Variants in ZNF461 observed in about 807,000 individuals in gnomAD.
ZNF461 encodes the protein gonadotropin-inducible ovarian transcription factor-1.
In ZNF461, 16 loss-of-function variants were observed where a neutral mutation model predicts 18.3. The observed-to-expected ratio is 0.88, with a 90% confidence interval of 0.59 to 1.33. The LOEUF (loss-of-function observed/expected upper bound fraction) is 1.33, where lower values mean the gene tolerates loss of function less well. Among genes scored for constraint, ZNF461 ranks in the 40% most tolerant of loss-of-function variants. The pLI is 0.00. For missense variants in ZNF461, 595 were observed against 669.9 expected, an observed-to-expected ratio of 0.89 and a Z score of 1.23; for synonymous variants, 179 against 216.9, an observed-to-expected ratio of 0.83 and a Z score of 1.54.
In ZNF461 at chr19:36,638,571, A is replaced by C. The variant is rs538055911; in HGVS notation, c.*82T>G. 78 of 1,036,182 alleles carry C rather than the reference A, an allele frequency of 7.5e-5. No individual in the cohort carries two copies. The African/African-American group carries it at 1.1e-3, about 14-fold the overall frequency. The allele number at this position is 1,036,182 out of a possible 1,614,324, so 64.2% of individuals were successfully genotyped here. A position where few individuals can be genotyped will look rare whatever the true frequency, so the allele number is the denominator to read the frequency against. ...TTTGATTTTCAAGGATTATTTAAAT[A>C]AATAAATACTAATGAAACTGGTGGC... On this transcript the variant is annotated 3_prime_UTR_variant, in exon 6 of 6. Transcript: ENST00000588268.
chr19:36,646,292 G>A (rs760942004), intron 4 of ZNF461, among the ~76,000 whole-genome samples: 5 of 151,958 alleles, frequency 3.3e-5, no homozygotes, highest in Non-Finnish European at 4.4e-5. Flanking sequence ...CACCACGCCC[G>A]GCTAATTTTT....
At chr19:36,642,317 C>T (rs2037439954) in intron 5 of ZNF461, among the ~76,000 whole-genome samples, 1 of 152,148 alleles carries the variant, frequency 6.6e-6, no homozygotes, top group African/African-American at 2.4e-5. Context: ...GTGACAGTCA[C>T]ACACTGGTCA....
chr19:36,656,112 C>T (rs896433185), intron 4 of ZNF461, among the ~76,000 whole-genome samples: 2 of 151,708 alleles, frequency 1.3e-5, no homozygotes, highest in East Asian at 3.9e-4. Context: ...ATTCTCCTGC[C>T]TCAGCCTCCC....
intron 5 of ZNF461, among the ~76,000 whole-genome samples, chr19:36,642,613 A>C (rs575174230): frequency 6.6e-6 from 1 of 152,198 alleles, no homozygotes; most frequent in East Asian, 1.9e-4. Context: ...CAGAAATCAC[A>C]AAGTATTTCT....
chr19:36,645,246 C>G (rs1412929198), intron 4 of ZNF461: 1 of 152,052 alleles, frequency 6.6e-6, no homozygotes, highest in East Asian at 1.9e-4. Flanking sequence ...CAAAAAAGAT[C>G]TGTTGTATAA....
intron 2 of ZNF461, among the ~76,000 whole-genome samples, chr19:36,664,365 A>C (rs2037867076): frequency 6.6e-6 from 1 of 152,168 alleles, no homozygotes; most frequent in African/African-American, 2.4e-5. Flanking sequence ...AGATGGGCAG[A>C]TCACTTGAGG....
At chr19:36,657,430 A>C (rs1379590417) in intron 3 of ZNF461, among the ~76,000 whole-genome samples, 1 of 147,266 alleles carries the variant, frequency 6.8e-6, no homozygotes, top group South Asian at 2.2e-4. Flanking sequence ...GCAGTGAGCC[A>C]AGATATGCCA....
chr19:36,653,917 A>G (rs987361415), intron 4 of ZNF461, among the ~76,000 whole-genome samples: 14 of 152,214 alleles, frequency 9.2e-5, no homozygotes, highest in African/African-American at 3.4e-4. Context: ...ACAAGGCTAC[A>G]TGTGATAAAA....
chr19:36,639,800 G>GT lies in ZNF461; in HGVS notation c.544dup (p.Thr182AsnfsTer6). On this transcript the variant is annotated frameshift_variant, in exon 6 of 6. Transcript: ENST00000588268. LOFTEE classifies it low-confidence loss of function (END_TRUNC). ...TTTCTCTCTATCATAAAATTCTTGA[G>GT]TGAGTAAAGTATGTTGGCTAAAAAT... The GT allele has an allele frequency of 6.2e-7, 1 of 1,613,826 alleles. No individual in the cohort carries two copies. Among genetic ancestry groups the GT allele is most frequent in the Non-Finnish European group, 8.5e-7 (1 of 1,179,806 alleles).
At chr19:36,648,286 A>G (rs940002911) in intron 4 of ZNF461, among the ~76,000 whole-genome samples, 1 of 152,124 alleles carries the variant, frequency 6.6e-6, no homozygotes, top group African/African-American at 2.4e-5. Context: ...TCCACCATGA[A>G]TAAAAGCTCC....
intron 1 of ZNF461, among the ~76,000 whole-genome samples, chr19:36,665,234 AAC>A (rs1324965463): frequency 6.6e-6 from 1 of 152,242 alleles, no homozygotes; most frequent in Non-Finnish European, 1.5e-5. Flanking sequence ...AGGCTGAAAC[AAC>A]ACAGATGGAA....
At chr19:36,659,438 G>A (rs1340130022) in intron 2 of ZNF461, among the ~76,000 whole-genome samples, 1 of 152,058 alleles carries the variant, frequency 6.6e-6, no homozygotes, top group African/African-American at 2.4e-5. Context: ...GCATAACATT[G>A]GTAGCATAAC....
At chr19:36,662,026 C>T (rs774010454) in intron 2 of ZNF461, among the ~76,000 whole-genome samples, 17 of 151,942 alleles carry the variant, frequency 1.1e-4, no homozygotes, top group Non-Finnish European at 2.2e-4. Context: ...TGTGCCACCA[C>T]GTCTGGCTAA....
At chr19:36,658,064 A>G in intron 3 of ZNF461, 1 of 489,610 alleles carries the variant, frequency 2.0e-6, no homozygotes, top group African/African-American at 2.0e-5. Flanking sequence ...CCCCTTAAAC[A>G]TCAAGGAGGA....
At chr19:36,652,431 G>A (rs1345225198) in intron 4 of ZNF461, among the ~76,000 whole-genome samples, 3 of 150,544 alleles carry the variant, frequency 2.0e-5, no homozygotes, top group African/African-American at 7.3e-5. Context: ...AACCTGGGAG[G>A]TGGACGTTGC....
chr19:36,640,631 C>T (rs375448465), intron 5 of ZNF461, among the ~76,000 whole-genome samples: 1 of 152,184 alleles, frequency 6.6e-6, no homozygotes, highest in African/African-American at 2.4e-5. Flanking sequence ...AGGTGGCCCA[C>T]GCCCTATATT....
chr19:36,660,008 C>T (rs1296547416), intron 2 of ZNF461, among the ~76,000 whole-genome samples: 2 of 152,274 alleles, frequency 1.3e-5, no homozygotes, highest in African/African-American at 2.4e-5. Flanking sequence ...TCAAAGATTT[C>T]CCACGTGTGA....
chr19:36,649,635 C>T (rs549123765), intron 4 of ZNF461, among the ~76,000 whole-genome samples: 2 of 152,098 alleles, frequency 1.3e-5, no homozygotes, highest in East Asian at 3.9e-4. Context: ...CCGGCCTGAG[C>T]CACCACGCCT....
At chr19:36,657,124 T>C (rs1284144965) in intron 3 of ZNF461, among the ~76,000 whole-genome samples, 1 of 146,664 alleles carries the variant, frequency 6.8e-6, no homozygotes, top group African/African-American at 2.5e-5. Flanking sequence ...CCAGCCTCCT[T>C]TTTTTTTTTA....
Sources: allele counts gnomAD v4.1 joint callset (sites outside exome capture counted in the v4.1 genomes callset), GRCh38; gene constraint gnomAD v4.1.1; transcripts MANE v1.5; gene names NCBI Gene and HGNC (gene_info 2026-07-23, HGNC 2026-07-21).